TAX1BP3: variants seen among roughly 807,000 people sequenced by gnomAD.
The protein encoded by TAX1BP3 is tax1-binding protein 3.
Under a neutral mutation model 15.3 loss-of-function variants are expected in TAX1BP3, and 13 were observed. The observed-to-expected ratio is 0.85, with a 90% CI of 0.55 to 1.35. The LOEUF (loss-of-function observed/expected upper bound fraction) is 1.35, where lower values mean the gene tolerates loss of function less well. Among genes scored for constraint, TAX1BP3 ranks in the 40% most tolerant of loss-of-function variants. The pLI, the probability that TAX1BP3 is intolerant of heterozygous loss-of-function variation, is 0.00. For missense variants in TAX1BP3, 147 were observed against 169.6 expected (o/e 0.87, Z 0.74); for synonymous variants, 70 against 66.0 (o/e 1.06, Z -0.30).
chr17:3,665,768 AAGGAG>A, intron 1 of TAX1BP3: 1 of 594,642 alleles, frequency 1.7e-6, no homozygotes, highest in East Asian at 3.2e-5. Context: ...AAAAAAAAGA[AAGGAG>A]AGGAAGGGCT....
Position 3,663,652 on chromosome 17 carries a change from G to A in TAX1BP3, c.*96C>T. On this transcript the variant is annotated 3_prime_UTR_variant, in exon 4 of 4. Transcript: ENST00000225525. ...CCAGCTATAGCCCTTCTGAGCTGGG[G>A]CCCAGCGGTCAGCAGAAGCCAGATG... 2 of 1,491,372 alleles carry A rather than the reference G, an allele frequency of 1.3e-6. No individual in the cohort carries two copies. The highest frequency in any genetic ancestry group is 1.3e-5 in the South Asian group (1 of 74,334). 92.4% of individuals were successfully genotyped at this position (1,491,372 alleles called of 1,614,324 possible).
At chr17:3,664,090 G>A in intron 3 of TAX1BP3, 105 bp downstream of exon 3, 3 of 1,508,680 alleles carry the variant, frequency 2.0e-6, no homozygotes, top group Non-Finnish European at 2.7e-6. Context: ...CCAATTGGCT[G>A]CAGTGAGTCT....
chr17:3,664,791 A>T lies in TAX1BP3; in HGVS notation c.47T>A (p.Val16Asp). 6.2e-7 allele frequency: 1 copy of T among 1,612,828 alleles called. No individual in the cohort carries two copies. Among genetic ancestry groups the T allele is most frequent in the South Asian group, 1.1e-5 (1 of 91,002 alleles). The change falls in exon 2 of 4, where the codon GTT becomes GAT. Residue 16 changes from valine to aspartate, a missense_variant. Physicochemically the swap from Val to Asp is radical, Grantham distance 152 (BLOSUM62 -3). Coordinates refer to ENST00000225525, the MANE Select transcript of TAX1BP3 (RefSeq NM_014604.4). ...ACCTTGACGCAGCTTGTGAATTTCA[A>T]CTCTTTGCTGGCAAAGAAAAAAGCC... ...GQPVTAVVQRVEIHKLRQGEN... is the reference protein window; with the variant it reads ...GQPVTAVVQRDEIHKLRQGEN...
At chr17:3,666,186 G>T (rs2076338761) in intron 1 of TAX1BP3, among the ~76,000 whole-genome samples, 1 of 152,214 alleles carries the variant, frequency 6.6e-6, no homozygotes. Context: ...ACCTAAAGAA[G>T]TTTCCCAAAG....
chr17:3,663,674 G>A lies in TAX1BP3; in HGVS notation c.*74C>T. 6.5e-7 allele frequency: 1 copy of A among 1,534,532 alleles called. No homozygotes were observed. The highest frequency in any genetic ancestry group is 8.8e-7 in the Non-Finnish European group (1 of 1,141,434). ...GGGGCCCAGCGGTCAGCAGAAGCCAGATGGGGACAGAGTGTGGAAGTGGCG... is the reference window on the plus strand; with the variant it reads ...GGGGCCCAGCGGTCAGCAGAAGCCAAATGGGGACAGAGTGTGGAAGTGGCG... On this transcript the variant is annotated 3_prime_UTR_variant, in exon 4 of 4. Transcript: ENST00000225525.
chr17:3,664,731 C>T lies in TAX1BP3; in HGVS notation c.107G>A (p.Gly36Glu). Residue 36 changes from glycine (G) to glutamate (E), a missense_variant, in exon 2 of 4, where the codon GGA becomes GAA. Transcript: ENST00000225525. The stretch of plus-strand genomic sequence containing the variant: ...ATTCTGGGAAGGATCCTGGTCGATT[C>T]CACCTCCAATGCTGAAACCCAGGAT... ...NLILGFSIGG[G>E]IDQDPSQNPF... The T allele has an allele frequency of 6.2e-7, 1 of 1,613,868 alleles. No homozygotes were observed. Among genetic ancestry groups the T allele is most frequent in the Non-Finnish European group, 8.5e-7 (1 of 1,179,916 alleles).
chr17:3,664,315 T>G, intron 2 of TAX1BP3, 43 bp from the exon 3 acceptor site: 1 of 1,610,356 alleles, frequency 6.2e-7, no homozygotes, highest in Non-Finnish European at 8.5e-7. Flanking sequence ...GTCACTGGAC[T>G]GGCCCCTTAT....
chr17:3,666,731 G>C (rs2076342429), intron 1 of TAX1BP3, among the ~76,000 whole-genome samples: 1 of 152,128 alleles, frequency 6.6e-6, no homozygotes, highest in Non-Finnish European at 1.5e-5. Flanking sequence ...GCACGTTCCT[G>C]GTGTTACCAG....
chr17:3,665,780 G>A, intron 1 of TAX1BP3: 1 of 604,680 alleles, frequency 1.7e-6, no homozygotes, highest in Non-Finnish European at 2.9e-6. Flanking sequence ...GGAGAGGAAG[G>A]GCTTGCCGGC....
chr17:3,663,913 C>A, intron 3 of TAX1BP3, 28 bp from the exon 4 acceptor site: 2 of 1,592,660 alleles, frequency 1.3e-6, no homozygotes, highest in South Asian at 1.1e-5. Flanking sequence ...CACAGGCTCA[C>A]CTCAGCTCCC....
rs1475659619 is a variant in TAX1BP3, at chr17:3,663,537, A to C, written c.*211T>G. On this transcript the variant is annotated 3_prime_UTR_variant, in exon 4 of 4. Coordinates refer to ENST00000225525, the MANE Select transcript of TAX1BP3 (RefSeq NM_014604.4). ...TACTCAGCTCCAGGCCCTTATTTCC[A>C]ATCCTCGGTGTCCAGGAGAGAAAGC... is the stretch of plus-strand genomic sequence containing the variant. The C allele has an allele frequency of 1.6e-6, 1 of 634,902 alleles. No individual in the cohort carries two copies. Among genetic ancestry groups the C allele is most frequent in the Non-Finnish European group, 2.4e-6 (1 of 409,076 alleles). The allele number at this position is 634,902 out of a possible 1,614,324, so 39.3% of individuals were successfully genotyped here.
Position 3,668,362 on chromosome 17 carries a change from G to T in TAX1BP3, c.39+126C>A. 1.6e-6 allele frequency: 2 copies of T among 1,263,810 alleles called. No homozygotes were observed. The highest frequency in any genetic ancestry group is 2.2e-6 in the Non-Finnish European group (2 of 929,622). The allele number at this position is 1,263,810 out of a possible 1,614,324, so 78.3% of individuals were successfully genotyped here. A position where few individuals can be genotyped will look rare whatever the true frequency, so the allele number is the denominator to read the frequency against. On this transcript the variant is annotated intron_variant, in intron 1 of 3. Transcript: ENST00000225525. The surrounding 1 kb of genome is among the most constrained non-coding windows in gnomAD (Gnocchi z 4.1). The stretch of plus-strand genomic sequence containing the variant: ...CCGCTCCGGCAAAGCGGGGACCCGA[G>T]CCCTTGCCGCCGGTTCGCAGGAGCC...
intron 1 of TAX1BP3, 57 bp from the exon 2 acceptor site, chr17:3,664,855 G>T (rs1468379490): frequency 6.3e-7 from 1 of 1,584,398 alleles, no homozygotes; most frequent in African/African-American, 1.3e-5. Context: ...TAGGCTGGTG[G>T]GTGTTCCCAG....
In TAX1BP3 at chr17:3,667,546, C is replaced by T. The variant is rs2076355351; in HGVS notation, c.39+942G>A. On this transcript the variant is annotated intron_variant, in intron 1 of 3. Coordinates refer to ENST00000225525, the MANE Select transcript of TAX1BP3 (RefSeq NM_014604.4). ...TCCAGCACACCCAACTGAGATAACA[C>T]ACCCAGTCCCTATGGCTCCAGGGCG... 6.6e-5 allele frequency among the ~76,000 whole-genome samples: 10 copies of T among 152,176 alleles called. No individual in the cohort carries two copies. In the South Asian group the frequency reaches 2.1e-3, roughly 32 times the overall value.
At chr17:3,665,784 T>C (rs2076334682) in intron 1 of TAX1BP3, 1 of 643,072 alleles carries the variant, frequency 1.6e-6, no homozygotes, top group Non-Finnish European at 2.7e-6. Context: ...AGGAAGGGCT[T>C]GCCGGCCACG....
rs2076319336 is a variant in TAX1BP3, at chr17:3,664,641, G to GC, written c.159+37dup. ...GAGACCCACCATCTCAGGCCCCTGT[G>GC]CCCCATGGAGCGGTCCCAGGACCCC... On this transcript the variant is annotated intron_variant, in intron 2 of 3. Coordinates refer to ENST00000225525, the MANE Select transcript of TAX1BP3 (RefSeq NM_014604.4). 3.1e-6 allele frequency: 5 copies of GC among 1,612,260 alleles called. No individual in the cohort carries two copies. The African/African-American group carries it at 5.3e-5, about 17-fold the overall frequency.
chr17:3,664,825 G>A, intron 1 of TAX1BP3, 27 bp from the exon 2 acceptor site: 1 of 1,607,762 alleles, frequency 6.2e-7, no homozygotes, highest in Non-Finnish European at 8.5e-7. Flanking sequence ...CCAGTTGAGA[G>A]AAGTGGGTGG....
At chr17:3,664,053 C>A in intron 3 of TAX1BP3, 142 bp downstream of exon 3, 2 of 1,425,218 alleles carry the variant, frequency 1.4e-6, no homozygotes, top group Non-Finnish European at 1.9e-6. Flanking sequence ...AAGCCAGCGT[C>A]CTCTGGGGCA....
In TAX1BP3 at chr17:3,662,977, A is replaced by G. The variant is rs938271413; in HGVS notation, c.*771T>C. The G allele has an allele frequency of 1.3e-5, 2 of 152,212 alleles. No individual in the cohort carries two copies. Among genetic ancestry groups the G allele is most frequent in the African/African-American group, 4.8e-5 (2 of 41,448 alleles). 9.4% of individuals were successfully genotyped at this position (152,212 alleles called of 1,614,324 possible). A position where few individuals can be genotyped will look rare whatever the true frequency, so the allele number is the denominator to read the frequency against. Reference sequence around the variant, plus strand: ...ACGGTAACCAAAGTAAGGCTTGTGCACTTGCTGAGCTTCCAGATGCGAATT... The same window carrying G: ...ACGGTAACCAAAGTAAGGCTTGTGCGCTTGCTGAGCTTCCAGATGCGAATT... On this transcript the variant is annotated 3_prime_UTR_variant, in exon 4 of 4. Transcript: ENST00000225525.
Sources: allele counts gnomAD v4.1 joint callset (sites outside exome capture counted in the v4.1 genomes callset), GRCh38; gene constraint gnomAD v4.1.1; non-coding constraint Gnocchi (gnomAD v3.1); transcripts MANE v1.5; gene names NCBI Gene and HGNC (gene_info 2026-07-23, HGNC 2026-07-21).